PEPD: variants seen among roughly 807,000 people sequenced by gnomAD.
The protein encoded by PEPD is peptidase D, also known as xaa-Pro dipeptidase.
A neutral mutation model predicts 60.7 loss-of-function variants in PEPD; 53 were observed. The ratio of observed to expected loss-of-function variants is 0.87; its 90% CI spans 0.70 to 1.10. The LOEUF (loss-of-function observed/expected upper bound fraction) is 1.10. Among genes scored for constraint, PEPD ranks in the 50% least tolerant of loss-of-function variants. The pLI is 0.00. For missense variants in PEPD, 711 were observed against 711.9 expected, an observed-to-expected ratio of 1.00 and a Z score of 0.01; for synonymous variants, 267 against 284.1, an observed-to-expected ratio of 0.94 and a Z score of 0.60.
rs879774146 is a variant in PEPD at position 33,495,500 on chromosome 19, C to CA, written c.394-2164dup. 9.8e-3 allele frequency among the ~76,000 whole-genome samples: 833 copies of CA among 85,356 alleles called. 1 individual carries two copies. The highest frequency in any genetic ancestry group is 0.012 in the African/African-American group (250 of 21,128). The allele number at this position is 85,356 out of a possible 152,430, so 56.0% of individuals were successfully genotyped here. The stretch of plus-strand genomic sequence containing the variant: ...TGGGTGACAGAGCGAGACTCTGTCT[C>CA]AAAAAAAAAAAAAAAAATTAAATGC... On this transcript the variant is annotated intron_variant, in intron 4 of 14. Transcript: ENST00000244137.
chr19:33,413,442 TG>T, intron 10 of PEPD, 132 bp downstream of exon 10: 1 of 657,394 alleles, frequency 1.5e-6, no homozygotes, highest in Non-Finnish European at 2.8e-6. Flanking sequence ...CTTCCAAGCT[TG>T]GGCCGGGCGC....
intron 9 of PEPD, among the ~76,000 whole-genome samples, chr19:33,420,645 T>C (rs1233621186): frequency 6.6e-6 from 1 of 151,990 alleles, no homozygotes; most frequent in Non-Finnish European, 1.5e-5. Flanking sequence ...GAGGTTGTAG[T>C]GAGCCGAGAT....
intron 11 of PEPD, among the ~76,000 whole-genome samples, chr19:33,403,067 A>T (rs1968539262): frequency 6.6e-6 from 1 of 152,164 alleles, no homozygotes; most frequent in Admixed American, 6.5e-5. Context: ...GGGCTGCTGG[A>T]TCCAAACCTG....
intron 9 of PEPD, among the ~76,000 whole-genome samples, chr19:33,417,893 C>T (rs73927867): frequency 0.065 from 9,843 of 152,284 alleles, 1,089 homozygotes; most frequent in African/African-American, 0.22. Context: ...TACAGAAGTC[C>T]TTCCTGGGCC....
chr19:33,427,831 T>A (rs557365633), intron 9 of PEPD, among the ~76,000 whole-genome samples: 1 of 152,288 alleles, frequency 6.6e-6, no homozygotes, highest in African/African-American at 2.4e-5. Flanking sequence ...CGATGCAAAG[T>A]TAAATATCCT....
At chr19:33,490,087 C>G in intron 5 of PEPD, 30 bp from the exon 6 acceptor site, 1 of 1,570,890 alleles carries the variant, frequency 6.4e-7, no homozygotes, top group Non-Finnish European at 8.7e-7. Flanking sequence ...ACATGACACA[C>G]GGGGCCGCAT....
chr19:33,412,991 C>A (rs11669220), intron 10 of PEPD, among the ~76,000 whole-genome samples: 25,064 of 152,158 alleles, frequency 0.16, 2,126 homozygotes, highest in African/African-American at 0.19. Flanking sequence ...TGCCTCCAAG[C>A]ACACCCAGCC....
At chr19:33,507,031 G>A (rs1970827034) in intron 3 of PEPD, among the ~76,000 whole-genome samples, 1 of 150,484 alleles carries the variant, frequency 6.6e-6, no homozygotes, top group African/African-American at 2.5e-5. Context: ...ACACACAGGT[G>A]TGCACTCCAT....
intron 9 of PEPD, among the ~76,000 whole-genome samples, chr19:33,421,032 G>C (rs1170546378): frequency 6.6e-6 from 1 of 152,244 alleles, no homozygotes; most frequent in Non-Finnish European, 1.5e-5. Context: ...GCAGTCCCTG[G>C]TTGGTTCTCA....
At chr19:33,443,658 C>A (rs954997167) in intron 9 of PEPD, among the ~76,000 whole-genome samples, 1 of 151,964 alleles carries the variant, frequency 6.6e-6, no homozygotes, top group Non-Finnish European at 1.5e-5. Flanking sequence ...TAAAGAAAAG[C>A]CTTTTAAACT....
chr19:33,391,281 A>G lies in PEPD; in HGVS notation c.1152+14T>C, dbSNP rs542598101. On this transcript the variant is annotated intron_variant, in intron 13 of 14. Transcript: ENST00000244137. ...TGATGGGCAGGCCACTCCGCCTGCC[A>G]TGTCCACACTGACCTCTGGGTAGCC... 9.3e-6 allele frequency: 15 copies of G among 1,606,400 alleles called. No homozygotes were observed. The African/African-American group carries it at 1.5e-4, about 16-fold the overall frequency.
intron 9 of PEPD, among the ~76,000 whole-genome samples, chr19:33,440,897 C>T (rs75471574): frequency 1.4e-3 from 208 of 152,214 alleles, no homozygotes; most frequent in African/African-American, 4.8e-3. Context: ...CTGGAAATGA[C>T]GAACACTCAC....
At chr19:33,510,304 G>A (rs1378420091) in intron 3 of PEPD, among the ~76,000 whole-genome samples, 10 of 152,174 alleles carry the variant, frequency 6.6e-5, no homozygotes, top group Admixed American at 5.9e-4. Flanking sequence ...AGTTTAATAG[G>A]CAAGAAGGAA....
At chr19:33,490,577 T>C (rs1044758057) in intron 5 of PEPD, among the ~76,000 whole-genome samples, 1 of 152,168 alleles carries the variant, frequency 6.6e-6, no homozygotes, top group Non-Finnish European at 1.5e-5. Context: ...AGACTCCAAA[T>C]GGGACTTGGA....
At chr19:33,419,639 C>T (rs889622784) in intron 9 of PEPD, among the ~76,000 whole-genome samples, 8 of 152,186 alleles carry the variant, frequency 5.3e-5, no homozygotes, top group Non-Finnish European at 1.0e-4. Flanking sequence ...GTGCTGACCT[C>T]GGGGCTTGCT....
chr19:33,498,592 T>C (rs888516402), intron 4 of PEPD, among the ~76,000 whole-genome samples: 8 of 152,098 alleles, frequency 5.3e-5, no homozygotes, highest in African/African-American at 1.4e-4. Context: ...CCCACCACGG[T>C]CCTTGAGACA....
At chr19:33,394,428 C>T (rs998555525) in intron 12 of PEPD, among the ~76,000 whole-genome samples, 15 of 152,262 alleles carry the variant, frequency 9.9e-5, no homozygotes, top group African/African-American at 3.6e-4. Flanking sequence ...CGCTGGTCTT[C>T]CTTGCCTGTG....
At chr19:33,427,415 C>A (rs990056821) in intron 9 of PEPD, among the ~76,000 whole-genome samples, 1 of 152,210 alleles carries the variant, frequency 6.6e-6, no homozygotes. Context: ...CATCGGTCCC[C>A]ACCTGCAGCA....
chr19:33,391,611 G>A, intron 12 of PEPD, 132 bp from the exon 13 acceptor site: 2 of 839,142 alleles, frequency 2.4e-6, no homozygotes, highest in Non-Finnish European at 3.9e-6. Flanking sequence ...AGGGGGCAAG[G>A]GTACTACATC....
Sources: gnomAD v4.1 joint callset for allele counts (sites outside exome capture counted in the v4.1 genomes callset) on GRCh38, gnomAD v4.1.1 for gene constraint, MANE v1.5 for transcripts, NCBI Gene and HGNC (gene_info 2026-07-23, HGNC 2026-07-21) for gene names.